The following PPP2R5E variants were observed in gnomAD, a reference collection of about 807,000 sequenced individuals.
The protein encoded by PPP2R5E is serine/threonine-protein phosphatase 2A 56 kDa regulatory subunit epsilon isoform.
PPP2R5E carries 4 observed loss-of-function variants against 65.3 expected under a neutral mutation model. That is an observed-to-expected ratio of 0.06 (90% CI 0.03 to 0.14). The LOEUF is 0.14. PPP2R5E is among the 10% of genes least tolerant of loss of function. PPP2R5E has a pLI of 1.00. For missense variants in PPP2R5E, 274 were observed against 556.1 expected, an observed-to-expected ratio of 0.49 and a Z score of 5.10; for synonymous variants, 183 against 187.4, an observed-to-expected ratio of 0.98 and a Z score of 0.19.
chr14:63,526,989 G>A (rs184159532), intron 2 of PPP2R5E, among the ~76,000 whole-genome samples: 103 of 152,310 alleles, frequency 6.8e-4, no homozygotes, highest in African/African-American at 2.4e-3. Context: ...GACCAACACA[G>A]TGAAACCCCA....
chr14:63,456,732 C>T (rs1057353811), intron 2 of PPP2R5E, among the ~76,000 whole-genome samples: 3 of 152,146 alleles, frequency 2.0e-5, no homozygotes, highest in East Asian at 1.9e-4. Context: ...CAATGCAACA[C>T]GAAACACAGT....
At chr14:63,435,037 T>C (rs1887884931) in intron 3 of PPP2R5E, among the ~76,000 whole-genome samples, 1 of 152,160 alleles carries the variant, frequency 6.6e-6, no homozygotes, top group Admixed American at 6.5e-5. Flanking sequence ...GTTTACATCA[T>C]AATGATAATG....
intron 4 of PPP2R5E, among the ~76,000 whole-genome samples, chr14:63,418,217 T>G (rs1377044395): frequency 6.6e-6 from 1 of 152,190 alleles, no homozygotes; most frequent in Non-Finnish European, 1.5e-5. Flanking sequence ...ACATACAGAA[T>G]GTCAGCCTTA....
Position 63,473,042 on chromosome 14 carries a change from C to T in PPP2R5E, c.158-19157G>A, listed in dbSNP as rs148001634. Among the ~76,000 whole-genome samples the T allele has an allele frequency of 1.1e-4, 17 of 152,098 alleles. No individual in the cohort carries two copies. The East Asian group carries it at 2.7e-3, about 24-fold the overall frequency. On this transcript the variant is annotated intron_variant, in intron 2 of 13. Coordinates refer to ENST00000337537, the MANE Select transcript of PPP2R5E (RefSeq NM_006246.5). ...AATAGAAGAAAAAGAAGCTGAGATA[C>T]CAGAAGGTAAGAAACAAAGGGATTT... is the stretch of plus-strand genomic sequence containing the variant.
intron 1 of PPP2R5E, among the ~76,000 whole-genome samples, chr14:63,540,434 A>G (rs865927420): frequency 2.7e-3 from 301 of 112,456 alleles, no homozygotes; most frequent in African/African-American, 0.011. Flanking sequence ...CCATCTCAAA[A>G]AAAAAAAAAA....
chr14:63,488,705 C>CT (rs879279174), intron 2 of PPP2R5E, among the ~76,000 whole-genome samples: 3 of 151,832 alleles, frequency 2.0e-5, no homozygotes, highest in Non-Finnish European at 4.4e-5. Context: ...AAAAATTAGC[C>CT]TGGCGTGGTG....
rs146316789 is a variant in PPP2R5E, at chr14:63,376,095, C to G, written c.1318G>C (p.Glu440Gln). 1.1e-4 allele frequency: 174 copies of G among 1,601,198 alleles called. No homozygotes were observed. Among genetic ancestry groups the G allele is most frequent in the Non-Finnish European group, 1.4e-4 (165 of 1,168,692 alleles). The change falls in exon 14 of 14, where the codon GAA becomes CAA. Residue 440 changes from glutamate (E) to glutamine (Q), a missense_variant. Coordinates refer to ENST00000337537, the MANE Select transcript of PPP2R5E (RefSeq NM_006246.5). The stretch of plus-strand genomic sequence containing the variant: ...TTCCACAATTCTTCACGCTCCTTTT[C>G]TTTCTTTTTCTCACTGAGGAAGAAA... ...KSDRQREKKK[E>Q]KEREELWKKL... is the part of the protein sequence containing the mutation.
At chr14:63,446,575 A>T (rs1196048228) in intron 3 of PPP2R5E, among the ~76,000 whole-genome samples, 1 of 152,148 alleles carries the variant, frequency 6.6e-6, no homozygotes, top group African/African-American at 2.4e-5. Context: ...CACGCCTGTA[A>T]TTCCAGCACT....
intron 2 of PPP2R5E, among the ~76,000 whole-genome samples, chr14:63,507,714 G>A (rs549151806): frequency 4.6e-5 from 7 of 151,604 alleles, no homozygotes; most frequent in African/African-American, 1.7e-4. Context: ...CAAGTAGCTG[G>A]GACTACAGGC....
At chr14:63,467,626 C>T (rs1418619086) in intron 2 of PPP2R5E, among the ~76,000 whole-genome samples, 6 of 152,194 alleles carry the variant, frequency 3.9e-5, no homozygotes, top group Admixed American at 6.5e-5. Context: ...TCCACTATCT[C>T]AAAAGTCTGT....
intron 5 of PPP2R5E, among the ~76,000 whole-genome samples, chr14:63,397,244 G>C (rs1321008857): frequency 1.3e-5 from 2 of 152,202 alleles, no homozygotes; most frequent in Non-Finnish European, 2.9e-5. Context: ...ACTCATGCCT[G>C]TAATCCCAGC....
chr14:63,436,568 T>C (rs752617035), intron 3 of PPP2R5E, among the ~76,000 whole-genome samples: 3 of 152,188 alleles, frequency 2.0e-5, no homozygotes, highest in Non-Finnish European at 4.4e-5. Context: ...CATATAACCA[T>C]ATTTAGCACA....
At chr14:63,420,632 T>C (rs970957836) in intron 4 of PPP2R5E, among the ~76,000 whole-genome samples, 1 of 152,118 alleles carries the variant, frequency 6.6e-6, no homozygotes, top group Admixed American at 6.5e-5. Flanking sequence ...TTGCAGAAAC[T>C]TTGAGTTGTC....
chr14:63,509,453 T>C (rs535852558), intron 2 of PPP2R5E, among the ~76,000 whole-genome samples: 19 of 151,912 alleles, frequency 1.3e-4, no homozygotes, highest in African/African-American at 4.3e-4. Flanking sequence ...TTTGTATTTT[T>C]AGTAGAGAAG....
intron 4 of PPP2R5E, among the ~76,000 whole-genome samples, chr14:63,420,203 C>T (rs74350098): frequency 0.012 from 1,816 of 152,196 alleles, 52 homozygotes; most frequent in East Asian, 0.096. Context: ...ACATCTCTTT[C>T]CTTGTCTTTT....
intron 3 of PPP2R5E, among the ~76,000 whole-genome samples, chr14:63,449,226 C>T (rs1422289075): frequency 6.6e-6 from 1 of 152,128 alleles, no homozygotes; most frequent in Non-Finnish European, 1.5e-5. Context: ...ACAGTGATTA[C>T]CCAACAGGCA....
chr14:63,463,787 G>A (rs1484355402), intron 2 of PPP2R5E, among the ~76,000 whole-genome samples: 2 of 151,750 alleles, frequency 1.3e-5, no homozygotes, highest in East Asian at 2.0e-4. Flanking sequence ...TAGTAGAGAC[G>A]GGGTTTCACC....
At chr14:63,455,337 G>C (rs563598922) in intron 2 of PPP2R5E, among the ~76,000 whole-genome samples, 1 of 152,324 alleles carries the variant, frequency 6.6e-6, no homozygotes, top group Admixed American at 6.5e-5. Context: ...CTAGATGAGA[G>C]TGGATAGGAC....
intron 2 of PPP2R5E, among the ~76,000 whole-genome samples, chr14:63,519,507 A>ATTTTTTTTTTTTTTTT (rs557285871): frequency 1.6e-5 from 2 of 124,326 alleles, no homozygotes; most frequent in African/African-American, 6.6e-5. Context: ...TGCCCAGCTA[A>ATTTTTTTTTTTTTTTT]TTTTTTTTTT....
Sources: allele counts gnomAD v4.1 joint callset (sites outside exome capture counted in the v4.1 genomes callset), GRCh38; gene constraint gnomAD v4.1.1; transcripts MANE v1.5; gene names NCBI Gene and HGNC (gene_info 2026-07-23, HGNC 2026-07-21).